Variants in AGPS observed in about 807,000 individuals in gnomAD.
AGPS encodes alkyldihydroxyacetonephosphate synthase, peroxisomal.
In AGPS, 26 loss-of-function variants were observed where a neutral mutation model predicts 90.7. The observed-to-expected ratio is 0.29, with a 90% CI of 0.21 to 0.40. AGPS has a LOEUF of 0.40. Among genes scored for constraint, AGPS ranks in the 10% least tolerant of loss-of-function variants. AGPS has a pLI of 1.00. For missense variants in AGPS, 540 were observed against 816.1 expected (o/e 0.66, Z 4.12); for synonymous variants, 294 against 285.3 (o/e 1.03, Z -0.31).
rs1455317818 is a variant in AGPS, at chr2:177,540,467, C to T, written c.*2272C>T. On this transcript the variant is annotated 3_prime_UTR_variant, in exon 20 of 20. Coordinates refer to ENST00000264167, the MANE Select transcript of AGPS (RefSeq NM_003659.4). ...TGATTTAGTAAATCAGAAAGCCTCC[C>T]CCTACCCCCAGCCCCCACTTTCACA... The T allele has an allele frequency of 5.9e-5, 9 of 152,078 alleles. No individual in the cohort carries two copies. Among genetic ancestry groups the T allele is most frequent in the Non-Finnish European group, 1.2e-4 (8 of 68,112 alleles). The allele number at this position is 152,078 out of a possible 1,614,324, so 9.4% of individuals were successfully genotyped here.
intron 8 of AGPS, among the ~76,000 whole-genome samples, chr2:177,457,224 C>T (rs553900397): frequency 2.0e-5 from 3 of 152,134 alleles, no homozygotes; most frequent in South Asian, 4.2e-4. Context: ...ACACTAAATG[C>T]CCACAAGAGA....
intron 3 of AGPS, among the ~76,000 whole-genome samples, chr2:177,434,924 G>T (rs895333891): frequency 1.3e-5 from 2 of 149,304 alleles, no homozygotes; most frequent in African/African-American, 4.9e-5. Context: ...TAAGATATGA[G>T]TGATTGAGGA....
intron 1 of AGPS, among the ~76,000 whole-genome samples, chr2:177,404,986 G>A (rs1212180126): frequency 6.6e-6 from 1 of 152,154 alleles, no homozygotes; most frequent in Non-Finnish European, 1.5e-5. Context: ...AGCAGAAAAG[G>A]GAAATTTATT....
intron 2 of AGPS, 122 bp from the exon 3 acceptor site, chr2:177,434,205 T>G: frequency 1.4e-6 from 1 of 703,112 alleles, no homozygotes; most frequent in Non-Finnish European, 2.5e-6. Context: ...TCAGAGTTTA[T>G]AGTTACATGT....
At chr2:177,468,199 A>G (rs1055492954) in intron 9 of AGPS, among the ~76,000 whole-genome samples, 3 of 152,116 alleles carry the variant, frequency 2.0e-5, no homozygotes, top group Non-Finnish European at 4.4e-5. Flanking sequence ...GAGATGTACA[A>G]TCTTAGAATG....
chr2:177,436,667 TA>T (rs1354327894), intron 3 of AGPS, 96 bp from the exon 4 acceptor site: 47 of 1,243,590 alleles, frequency 3.8e-5, no homozygotes, highest in Non-Finnish European at 4.5e-5. Context: ...TTTGAATGTT[TA>T]AAAAAAAGTC....
intron 1 of AGPS, among the ~76,000 whole-genome samples, chr2:177,409,365 C>T (rs1408925819): frequency 6.7e-6 from 1 of 150,114 alleles, no homozygotes; most frequent in Non-Finnish European, 1.5e-5. Flanking sequence ...TCCCCCTATG[C>T]TCTCAGGTGA....
At chr2:177,538,003 C>G in intron 19 of AGPS, 71 bp from the exon 20 acceptor site, 2 of 1,573,302 alleles carry the variant, frequency 1.3e-6, no homozygotes, top group Non-Finnish European at 1.7e-6. Flanking sequence ...TTTGTTCACT[C>G]ATGGTCACAA....
At position 177,392,871 on chromosome 2, in the gene AGPS, G is replaced by A. The variant is rs1284079055; in HGVS notation, c.82G>A (p.Asp28Asn). 1 of 1,551,046 alleles carries A rather than the reference G, an allele frequency of 6.4e-7. No homozygotes were observed. Among genetic ancestry groups the A allele is most frequent in the African/African-American group, 1.4e-5 (1 of 73,222 alleles). The part of the protein sequence containing the change: ...SYGSAADRDR[D>N]PDPDRAGRRL... ...CGGGTCTGCAGCGGACCGGGACCGG[G>A]ACCCGGACCCGGACCGCGCCGGGCG... The change falls in exon 1 of 20, where the codon GAC becomes AAC. Residue 28 changes from aspartate to asparagine, a missense_variant. Around this residue, in one of 2 missense-constraint regions of AGPS, gnomAD observed 135 missense variants for 124.0 expected, o/e 1.09. Coordinates refer to ENST00000264167, the MANE Select transcript of AGPS (RefSeq NM_003659.4).
Position 177,538,372 on chromosome 2 carries a change from T to A in AGPS, c.*177T>A, listed in dbSNP as rs891192747. 1.2e-5 allele frequency: 8 copies of A among 675,924 alleles called. No individual in the cohort carries two copies. The African/African-American group carries it at 1.5e-4, about 12-fold the overall frequency. The allele number at this position is 675,924 out of a possible 1,614,324, so 41.9% of individuals were successfully genotyped here. ...GTTTCTACATCTATGGATTGACAGA[T>A]AGTATTCCTAAATCTCTCTCATTGT... On this transcript the variant is annotated 3_prime_UTR_variant, in exon 20 of 20. Coordinates refer to ENST00000264167, the MANE Select transcript of AGPS (RefSeq NM_003659.4).
At chr2:177,455,728 G>A (rs1048864434) in intron 8 of AGPS, among the ~76,000 whole-genome samples, 4 of 150,866 alleles carry the variant, frequency 2.7e-5, no homozygotes, top group African/African-American at 7.3e-5. Context: ...TAATTATTCT[G>A]TATAATTTAA....
intron 2 of AGPS, among the ~76,000 whole-genome samples, chr2:177,423,982 G>A (rs1408685203): frequency 6.6e-6 from 1 of 152,016 alleles, no homozygotes; most frequent in African/African-American, 2.4e-5. Flanking sequence ...TACATGTGCA[G>A]GATGTGCAGG....
At chr2:177,459,073 A>G (rs974351572) in intron 8 of AGPS, among the ~76,000 whole-genome samples, 1 of 152,130 alleles carries the variant, frequency 6.6e-6, no homozygotes, top group Non-Finnish European at 1.5e-5. Flanking sequence ...CATGGGGGAA[A>G]GATTCCCTAT....
intron 19 of AGPS, among the ~76,000 whole-genome samples, chr2:177,526,178 G>A (rs1462030794): frequency 6.8e-6 from 1 of 147,728 alleles, no homozygotes; most frequent in African/African-American, 2.5e-5. Context: ...ATAAGATCAT[G>A]TTTATTCAAT....
Position 177,480,373 on chromosome 2 carries a change from T to C in AGPS, c.1106-1686T>C, listed in dbSNP as rs1687907181. Among the ~76,000 whole-genome samples, 3 of 152,256 alleles carry C rather than the reference T, an allele frequency of 2.0e-5. No individual in the cohort carries two copies. The South Asian group carries it at 6.2e-4, about 32-fold the overall frequency. The stretch of plus-strand genomic sequence containing the variant: ...CTGGATTAAGAAAATGTGGCACATA[T>C]ACACCATGGAATACTATGCAGCCAT... On this transcript the variant is annotated intron_variant, in intron 10 of 19. Transcript: ENST00000264167.
Position 177,455,290 on chromosome 2 carries a change from A to G in AGPS, c.871-6603A>G, listed in dbSNP as rs756497208. On this transcript the variant is annotated intron_variant, in intron 8 of 19. Transcript: ENST00000264167. ...AACTCTAAATGCCTTGATTGCCTTG[A>G]CTGAGCTCTATGCTCAATCTCAACT... Among the ~76,000 whole-genome samples, 7 of 152,016 alleles carry G rather than the reference A, an allele frequency of 4.6e-5. No homozygotes were observed. The South Asian group carries it at 1.5e-3, about 32-fold the overall frequency.
In AGPS at chr2:177,434,411, C is replaced by A; in HGVS notation, c.435C>A (p.Thr145=). 1 of 1,609,472 alleles carries A rather than the reference C, an allele frequency of 6.2e-7. No individual in the cohort carries two copies. The highest frequency in any genetic ancestry group is 8.5e-7 in the Non-Finnish European group (1 of 1,176,690). The stretch of plus-strand genomic sequence containing the variant: ...GAGTAAATGTGGAGCATAAAACTAC[C>A]TCTAAAGTAAGCAAACAAAAATTAT... ...TLGVNVEHKT[T]SKASLNPSDT... Residue 145 remains threonine, a synonymous_variant, in exon 3 of 20, where the codon ACC becomes ACA. Transcript: ENST00000264167.
At chr2:177,434,181 T>C in intron 2 of AGPS, 146 bp from the exon 3 acceptor site, 1 of 641,696 alleles carries the variant, frequency 1.6e-6, no homozygotes, top group Non-Finnish European at 2.7e-6. Flanking sequence ...GGGTTTTGTT[T>C]GTTTTGTTTT....
At chr2:177,415,997 CT>C (rs1460444684) in intron 1 of AGPS, among the ~76,000 whole-genome samples, 1 of 152,120 alleles carries the variant, frequency 6.6e-6, no homozygotes, top group Non-Finnish European at 1.5e-5. Context: ...GATAGCTGAA[CT>C]TTTACAGTTG....
Sources: allele counts gnomAD v4.1 joint callset (sites outside exome capture counted in the v4.1 genomes callset), GRCh38; gene constraint gnomAD v4.1.1; regional missense constraint gnomAD v4.1.1; transcripts MANE v1.5; gene names NCBI Gene and HGNC (gene_info 2026-07-23, HGNC 2026-07-21).